Variants in BBS9 observed in about 807,000 individuals in gnomAD.
BBS9 encodes the protein protein PTHB1.
Under a neutral mutation model 117.7 loss-of-function variants are expected in BBS9, and 89 were observed. The ratio of observed to expected loss-of-function variants is 0.76; its 90% CI spans 0.64 to 0.90. The LOEUF is 0.90. Among genes scored for constraint, BBS9 ranks in the 40% least tolerant of loss-of-function variants. The probability of loss-of-function intolerance (pLI) is 0.00; values close to 1 mark genes in which losing one functional copy is unlikely to be tolerated. For missense variants in BBS9, 982 were observed against 1,042.2 expected (o/e 0.94, Z 0.80); for synonymous variants, 379 against 370.9 (o/e 1.02, Z -0.25).
intron 19 of BBS9, among the ~76,000 whole-genome samples, chr7:33,409,820 C>T (rs1475673331): frequency 6.6e-6 from 1 of 152,128 alleles, no homozygotes. Flanking sequence ...TTACCATATA[C>T]ATTTCTGCCA....
At chr7:33,617,514 C>G (rs755693284) in intron 21 of BBS9, among the ~76,000 whole-genome samples, 3 of 152,020 alleles carry the variant, frequency 2.0e-5, no homozygotes, top group Non-Finnish European at 4.4e-5. Flanking sequence ...TTGACACTGT[C>G]ATGGGAGTAA....
chr7:33,417,157 G>A (rs1832143916), intron 19 of BBS9, among the ~76,000 whole-genome samples: 1 of 152,130 alleles, frequency 6.6e-6, no homozygotes. Flanking sequence ...AACTTTTATT[G>A]TGAATATTAT....
At chr7:33,557,308 T>A (rs1563356617) in intron 21 of BBS9, among the ~76,000 whole-genome samples, 1 of 152,186 alleles carries the variant, frequency 6.6e-6, no homozygotes, top group Non-Finnish European at 1.5e-5. Flanking sequence ...CAGTTTCCAT[T>A]TGAGTAGCTT....
chr7:33,138,722 C>T (rs1003485408), intron 1 of BBS9, among the ~76,000 whole-genome samples: 1 of 150,866 alleles, frequency 6.6e-6, no homozygotes, highest in Non-Finnish European at 1.5e-5. Context: ...GTAGCCTCAA[C>T]TCCTGGGCTC....
chr7:33,138,347 G>T (rs1216350216), intron 1 of BBS9, among the ~76,000 whole-genome samples: 1 of 151,078 alleles, frequency 6.6e-6, no homozygotes, highest in African/African-American at 2.4e-5. Context: ...CTCTGAAAAA[G>T]AAGGGGAAAA....
At chr7:33,411,570 G>C (rs1831146273) in intron 19 of BBS9, among the ~76,000 whole-genome samples, 1 of 151,924 alleles carries the variant, frequency 6.6e-6, no homozygotes, top group Non-Finnish European at 1.5e-5. Flanking sequence ...TATTTTTATT[G>C]CTTTTTATAT....
intron 19 of BBS9, among the ~76,000 whole-genome samples, chr7:33,455,293 G>A (rs1276328681): frequency 2.0e-5 from 3 of 152,088 alleles, no homozygotes; most frequent in African/African-American, 4.8e-5. Flanking sequence ...AAGACACAAA[G>A]TCCACCCTCT....
intron 19 of BBS9, among the ~76,000 whole-genome samples, chr7:33,409,210 T>G (rs575181975): frequency 6.6e-6 from 1 of 152,346 alleles, no homozygotes; most frequent in Admixed American, 6.5e-5. Context: ...GTTTGAGGAC[T>G]TAGGCATAAA....
intron 21 of BBS9, among the ~76,000 whole-genome samples, chr7:33,549,474 A>G (rs987280631): frequency 1.3e-4 from 20 of 149,060 alleles, no homozygotes; most frequent in Non-Finnish European, 2.4e-4. Context: ...AGAAACTACC[A>G]TCAGAGTGAA....
At chr7:33,189,089 C>G (rs1783622589) in intron 5 of BBS9, among the ~76,000 whole-genome samples, 1 of 152,114 alleles carries the variant, frequency 6.6e-6, no homozygotes, top group South Asian at 2.1e-4. Context: ...GGTACGATCT[C>G]AGCTTACTGC....
intron 5 of BBS9, among the ~76,000 whole-genome samples, chr7:33,240,839 T>A (rs1437174872): frequency 6.6e-6 from 1 of 152,162 alleles, no homozygotes; most frequent in African/African-American, 2.4e-5. Context: ...ATCTTCTCTG[T>A]CTCTTTCCTT....
At chr7:33,607,506 GA>G (rs1228493460), downstream of BBS9, among the ~76,000 whole-genome samples, 2 of 151,880 alleles carry the variant, frequency 1.3e-5, no homozygotes, top group Non-Finnish European at 2.9e-5. Flanking sequence ...AATAAGAAAA[GA>G]ATAACAAGTC....
chr7:33,153,996 T>C (rs1167313672), intron 3 of BBS9, among the ~76,000 whole-genome samples: 1 of 152,244 alleles, frequency 6.6e-6, no homozygotes, highest in Non-Finnish European at 1.5e-5. Context: ...ATAATCATTC[T>C]GTATAGTAGT....
intron 9 of BBS9, among the ~76,000 whole-genome samples, chr7:33,286,686 G>T (rs1188919127): frequency 1.3e-5 from 2 of 151,824 alleles, no homozygotes; most frequent in African/African-American, 4.8e-5. Flanking sequence ...TTATTTGTGT[G>T]TGGGGGGCAG....
chr7:33,618,299 C>T (rs1467015465), intron 21 of BBS9, among the ~76,000 whole-genome samples: 1 of 151,226 alleles, frequency 6.6e-6, no homozygotes, highest in Non-Finnish European at 1.5e-5. Context: ...GAGCTGTGAT[C>T]GCATCACTGC....
At chr7:33,382,645 C>T (rs1825289830) in intron 17 of BBS9, among the ~76,000 whole-genome samples, 1 of 152,030 alleles carries the variant, frequency 6.6e-6, no homozygotes, top group Admixed American at 6.6e-5. Context: ...TCTAGTGTTC[C>T]AGTGCCTGCT....
intron 21 of BBS9, among the ~76,000 whole-genome samples, chr7:33,537,706 G>A: frequency 6.6e-6 from 1 of 152,084 alleles, no homozygotes; most frequent in Non-Finnish European, 1.5e-5. Context: ...CCTTCTCCCT[G>A]CAGCTGCCTA....
intron 11 of BBS9, among the ~76,000 whole-genome samples, chr7:33,343,126 C>G (rs536659088): frequency 6.6e-6 from 1 of 152,100 alleles, no homozygotes; most frequent in Non-Finnish European, 1.5e-5. Context: ...ATAGAATCCC[C>G]ATTGCTTAGA....
At chr7:33,406,841 G>C (rs530102878) in intron 19 of BBS9, among the ~76,000 whole-genome samples, 1 of 152,230 alleles carries the variant, frequency 6.6e-6, no homozygotes, top group Admixed American at 6.5e-5. Flanking sequence ...TGGGTAACCC[G>C]ACCTTTCTCT....
Sources: gnomAD v4.1 joint callset for allele counts (sites outside exome capture counted in the v4.1 genomes callset) on GRCh38, gnomAD v4.1.1 for gene constraint, MANE v1.5 for transcripts, NCBI Gene and HGNC (gene_info 2026-07-23, HGNC 2026-07-21) for gene names.